Variants in ALK observed in about 807,000 individuals in gnomAD.
ALK encodes the protein ALK tyrosine kinase receptor.
A neutral mutation model predicts 163.1 loss-of-function variants in ALK; 74 were observed. That is an observed-to-expected ratio of 0.45 (90% CI 0.38 to 0.55). The LOEUF (loss-of-function observed/expected upper bound fraction) is 0.55. Ranked by LOEUF, ALK falls within the 20% of genes least tolerant of loss-of-function variation. ALK has a pLI of 0.00. For synonymous variants in ALK, 960 were observed against 843.2 expected (o/e 1.14, Z -2.40); for missense variants, 2,063 against 2,105.3 (o/e 0.98, Z 0.39).
chr2:29,401,315 C>A (rs1404317296), intron 4 of ALK, among the ~76,000 whole-genome samples: 2 of 152,090 alleles, frequency 1.3e-5, no homozygotes, highest in Admixed American at 1.3e-4. Flanking sequence ...CTCCACAACC[C>A]CCTCAGGTAG....
chr2:29,327,256 T>A (rs1441903004), intron 6 of ALK, among the ~76,000 whole-genome samples: 1 of 152,140 alleles, frequency 6.6e-6, no homozygotes. Context: ...GTTTCCCAAC[T>A]CATTCTTTCC....
chr2:29,707,625 A>G (rs1678949486), intron 2 of ALK, among the ~76,000 whole-genome samples: 2 of 152,240 alleles, frequency 1.3e-5, no homozygotes, highest in Non-Finnish European at 2.9e-5. Context: ...TTAATTCAGT[A>G]TAGTTGTATA....
At chr2:29,242,642 C>A (rs1375108441) in intron 12 of ALK, among the ~76,000 whole-genome samples, 5 of 152,166 alleles carry the variant, frequency 3.3e-5, no homozygotes, top group African/African-American at 1.2e-4. Flanking sequence ...TGTCCCCGTT[C>A]TTCTGGCTGT....
intron 8 of ALK, among the ~76,000 whole-genome samples, chr2:29,310,386 C>T (rs921635630): frequency 6.6e-6 from 1 of 152,154 alleles, no homozygotes; most frequent in Non-Finnish European, 1.5e-5. Context: ...AAACTACATC[C>T]TTAGTTGGCT....
At chr2:29,723,854 G>C (rs1179479189) in intron 1 of ALK, among the ~76,000 whole-genome samples, 1 of 152,158 alleles carries the variant, frequency 6.6e-6, no homozygotes, top group Admixed American at 6.5e-5. Flanking sequence ...AGATCATCTT[G>C]TGTCAATAAT....
At chr2:29,238,617 T>A (rs1392481441) in intron 13 of ALK, among the ~76,000 whole-genome samples, 1 of 152,182 alleles carries the variant, frequency 6.6e-6, no homozygotes, top group Non-Finnish European at 1.5e-5. Context: ...TTTTTCCCCC[T>A]TTCCAAGTGC....
At chr2:29,279,710 T>C (rs898847074) in intron 9 of ALK, among the ~76,000 whole-genome samples, 3 of 152,222 alleles carry the variant, frequency 2.0e-5, no homozygotes, top group Non-Finnish European at 4.4e-5. Flanking sequence ...TACTGTCTCC[T>C]TGCTGGAGAT....
At chr2:29,795,177 G>GAC (rs112686547) in intron 1 of ALK, among the ~76,000 whole-genome samples, 5,869 of 149,236 alleles carry the variant, frequency 0.039, 156 homozygotes, top group South Asian at 0.07. Context: ...AGAAAATTCA[G>GAC]ACACACACAC....
intron 6 of ALK, among the ~76,000 whole-genome samples, chr2:29,323,980 T>C (rs1667161785): frequency 1.3e-5 from 2 of 152,222 alleles, no homozygotes; most frequent in South Asian, 4.1e-4. Context: ...ATCTGTAAAA[T>C]GTGTGGAATC....
At chr2:29,355,065 C>A (rs1668214919) in intron 5 of ALK, among the ~76,000 whole-genome samples, 1 of 152,178 alleles carries the variant, frequency 6.6e-6, no homozygotes, top group South Asian at 2.1e-4. Context: ...TACGCCCGGC[C>A]AGCCCACTTT....
intron 4 of ALK, among the ~76,000 whole-genome samples, chr2:29,528,539 G>A (rs571849774): frequency 5.9e-5 from 9 of 152,046 alleles, no homozygotes; most frequent in Non-Finnish European, 1.2e-4. Context: ...TATTCTGCTT[G>A]TGTCTTCCTT....
intron 4 of ALK, among the ~76,000 whole-genome samples, chr2:29,404,718 C>T (rs1669539254): frequency 6.6e-6 from 1 of 152,188 alleles, no homozygotes; most frequent in Non-Finnish European, 1.5e-5. Context: ...CCTGGAGGAA[C>T]TTGTGTTCAA....
chr2:29,397,943 C>T (rs1417683314), intron 4 of ALK, among the ~76,000 whole-genome samples: 1 of 152,180 alleles, frequency 6.6e-6, no homozygotes, highest in East Asian at 1.9e-4. Flanking sequence ...GGAGCTTTCC[C>T]GAACATAACA....
intron 3 of ALK, among the ~76,000 whole-genome samples, chr2:29,617,609 A>C (rs913033529): frequency 6.6e-6 from 1 of 152,144 alleles, no homozygotes; most frequent in African/African-American, 2.4e-5. Context: ...CTGTCAGCTC[A>C]GTTTTAGTAA....
At position 29,632,660 on chromosome 2, in the gene ALK, C is replaced by T. The variant is rs191878016; in HGVS notation, c.952+62190G>A. Among the ~76,000 whole-genome samples the T allele has an allele frequency of 2.8e-4, 43 of 152,190 alleles. No individual in the cohort carries two copies. In the East Asian group the frequency reaches 7.9e-3, roughly 28 times the overall value. On this transcript the variant is annotated intron_variant, in intron 3 of 28. Transcript: ENST00000389048. ...CTCAGCGGAAACCCACTGTATTAGT[C>T]CATTTTCACGCTGCCAATAAAGACA... is the stretch of plus-strand genomic sequence containing the variant.
intron 1 of ALK, among the ~76,000 whole-genome samples, chr2:29,791,462 C>T (rs1434679920): frequency 1.3e-5 from 2 of 152,118 alleles, no homozygotes; most frequent in Non-Finnish European, 2.9e-5. Context: ...GGGAACATCA[C>T]ACACCAGGGC....
At chr2:29,340,143 C>A (rs1259604829) in intron 5 of ALK, among the ~76,000 whole-genome samples, 1 of 152,188 alleles carries the variant, frequency 6.6e-6, no homozygotes, top group Non-Finnish European at 1.5e-5. Context: ...ATTAATCTCC[C>A]TGCAAAGGGG....
chr2:29,477,806 G>A (rs1225685733), intron 4 of ALK, among the ~76,000 whole-genome samples: 2 of 152,168 alleles, frequency 1.3e-5, no homozygotes, highest in African/African-American at 2.4e-5. Flanking sequence ...AGGGGAAATT[G>A]CTTCCCTGGC....
intron 4 of ALK, among the ~76,000 whole-genome samples, chr2:29,516,959 T>C (rs937655209): frequency 2.0e-5 from 3 of 152,248 alleles, no homozygotes; most frequent in African/African-American, 7.2e-5. Context: ...CTTATCATCA[T>C]CTACTTTCAC....
Sources: allele counts gnomAD v4.1 joint callset (sites outside exome capture counted in the v4.1 genomes callset), GRCh38; gene constraint gnomAD v4.1.1; transcripts MANE v1.5; gene names NCBI Gene and HGNC (gene_info 2026-07-23, HGNC 2026-07-21).